HPD: variants seen among roughly 807,000 people sequenced by gnomAD.
HPD encodes 4-hydroxyphenylpyruvic acid oxidase.
In HPD, 35 loss-of-function variants were observed where a neutral mutation model predicts 56.9. The observed-to-expected ratio is 0.62, with a 90% confidence interval of 0.47 to 0.82. HPD has a LOEUF of 0.82. HPD is among the 40% of genes least tolerant of loss of function. The pLI, the probability that HPD is intolerant of heterozygous loss-of-function variation, is 0.00. For missense variants in HPD, 442 were observed against 506.8 expected (o/e 0.87, Z 1.23); for synonymous variants, 186 against 200.2 (o/e 0.93, Z 0.60).
At chr12:121,857,455 G>T in intron 3 of HPD, 23 bp from the exon 4 acceptor site, 1 of 1,535,908 alleles carries the variant, frequency 6.5e-7, no homozygotes, top group Non-Finnish European at 9.0e-7. Context: ...GTTGCAGCAG[G>T]GTTCATGAGG....
upstream of HPD, among the ~76,000 whole-genome samples, chr12:121,859,703 T>C (rs1431308794): frequency 6.6e-6 from 1 of 152,270 alleles, no homozygotes; most frequent in Non-Finnish European, 1.5e-5. Context: ...TGTTTGATTC[T>C]GAAGTTGGAT....
At chr12:121,879,453 CTCTTT>C in the HPD span, among the ~76,000 whole-genome samples, 1 of 114,070 alleles carries the variant, frequency 8.8e-6, no homozygotes, top group Non-Finnish European at 2.0e-5. Flanking sequence ...ACCCAGACTA[CTCTTT>C]TCTTTTCTTT....
intron 7 of HPD, among the ~76,000 whole-genome samples, chr12:121,850,111 G>A (rs191466417): frequency 1.3e-5 from 2 of 152,164 alleles, no homozygotes; most frequent in East Asian, 1.9e-4. Context: ...GAACGCAGGA[G>A]GGCATTGGAT....
At chr12:121,848,764 C>A (rs935238193) in intron 9 of HPD, among the ~76,000 whole-genome samples, 2 of 152,032 alleles carry the variant, frequency 1.3e-5, no homozygotes, top group Admixed American at 1.3e-4. Context: ...CAACACCTCG[C>A]CCACTGAGTT....
chr12:121,885,116 C>A, the HPD span, among the ~76,000 whole-genome samples: 7 of 152,122 alleles, frequency 4.6e-5, no homozygotes, highest in Admixed American at 2.0e-4. Flanking sequence ...ATCTCAAACT[C>A]CTGACCTCAA....
At chr12:121,876,094 T>C in the HPD span, among the ~76,000 whole-genome samples, 1 of 152,168 alleles carries the variant, frequency 6.6e-6, no homozygotes, top group Admixed American at 6.5e-5. Context: ...GAGGATCACC[T>C]GAGGTCAGGA....
At chr12:121,888,011 T>C in the HPD span, among the ~76,000 whole-genome samples, 1 of 152,190 alleles carries the variant, frequency 6.6e-6, no homozygotes, top group Non-Finnish European at 1.5e-5. Context: ...TTGGGTAAAT[T>C]GGTTATTGAG....
chr12:121,857,817 A>C lies in HPD; in HGVS notation c.33T>G (p.Pro11=), dbSNP rs763281531. ...GGAAGTGGAGGAATCGGCCTCTCTC[A>C]GGCTGCAGAAGGAGAGAAGAGGTGA... The part of the protein sequence containing the change: MTTYSDKGAK[P]ERGRFLHFHS... Residue 11 remains proline (P), a splice_region_variant and synonymous_variant, in exon 3 of 14, where the codon CCT becomes CCG. Transcript: ENST00000289004. 6.2e-7 allele frequency: 1 copy of C among 1,613,390 alleles called. No homozygotes were observed. The highest frequency in any genetic ancestry group is 8.5e-7 in the Non-Finnish European group (1 of 1,179,368).
At chr12:121,854,948 C>T (rs1437696076) in intron 6 of HPD, among the ~76,000 whole-genome samples, 156 bp from the exon 7 acceptor site, 1 of 152,104 alleles carries the variant, frequency 6.6e-6, no homozygotes, top group Non-Finnish European at 1.5e-5. Flanking sequence ...CCATTACCCC[C>T]AATACTCATG....
the HPD span, among the ~76,000 whole-genome samples, chr12:121,875,427 C>CTTTTT: frequency 1.1e-4 from 15 of 134,724 alleles, no homozygotes; most frequent in East Asian, 4.3e-4. Context: ...TTCTTTCTTT[C>CTTTTT]TTTTTTTTTT....
intron 11 of HPD, among the ~76,000 whole-genome samples, chr12:121,845,947 T>G (rs1877570262): frequency 6.6e-6 from 1 of 152,192 alleles, no homozygotes; most frequent in Non-Finnish European, 1.5e-5. Flanking sequence ...TCACCTAGGC[T>G]GGAGAAAAGT....
the HPD span, among the ~76,000 whole-genome samples, chr12:121,869,716 G>C: frequency 1.3e-5 from 2 of 151,958 alleles, no homozygotes; most frequent in Non-Finnish European, 2.9e-5. Context: ...GTAGAGACAG[G>C]GTTTCACCAT....
the HPD span, among the ~76,000 whole-genome samples, chr12:121,878,345 TTTTG>T: frequency 8.5e-5 from 13 of 152,072 alleles, no homozygotes; most frequent in Admixed American, 7.2e-4. Context: ...CTATGTGGTT[TTTTG>T]TTTGTTTTGT....
intron 4 of HPD, 196 bp downstream of exon 4, chr12:121,857,132 T>G: frequency 1.7e-6 from 1 of 587,222 alleles, no homozygotes; most frequent in South Asian, 1.9e-5. Context: ...CAGGCTGGAG[T>G]GCAGTGGCAC....
intron 7 of HPD, 132 bp downstream of exon 7, chr12:121,854,571 G>A (rs887320336): frequency 2.6e-6 from 2 of 774,388 alleles, no homozygotes; most frequent in Non-Finnish European, 4.7e-6. Flanking sequence ...GCAATACGGG[G>A]GACAGACTTG....
intron 4 of HPD, chr12:121,857,012 T>C: frequency 4.0e-6 from 2 of 494,506 alleles, no homozygotes; most frequent in South Asian, 2.1e-5. Context: ...TGTACAAAGA[T>C]GCCAGCGGAG....
chr12:121,887,639 T>C, the HPD span, among the ~76,000 whole-genome samples: 12 of 152,198 alleles, frequency 7.9e-5, no homozygotes, highest in African/African-American at 2.9e-4. Flanking sequence ...CCCAAAGTGC[T>C]GGGATTATAG....
At chr12:121,876,863 G>A in the HPD span, among the ~76,000 whole-genome samples, 2 of 152,022 alleles carry the variant, frequency 1.3e-5, no homozygotes, top group African/African-American at 4.8e-5. Flanking sequence ...GTGGGCTGAA[G>A]TGGGAGGATC....
the HPD span, among the ~76,000 whole-genome samples, chr12:121,872,072 A>C: frequency 1.4e-5 from 1 of 70,948 alleles, no homozygotes; most frequent in Non-Finnish European, 4.2e-5. Flanking sequence ...CTCTACTAAA[A>C]ATACAAAAAA....
Sources: gnomAD v4.1 joint callset for allele counts (sites outside exome capture counted in the v4.1 genomes callset) on GRCh38, gnomAD v4.1.1 for gene constraint, MANE v1.5 for transcripts, NCBI Gene and HGNC (gene_info 2026-07-23, HGNC 2026-07-21) for gene names.